The following UHRF2 variants were observed in gnomAD, a reference collection of about 807,000 sequenced individuals.
The protein encoded by UHRF2 is E3 ubiquitin-protein ligase UHRF2.
Under a neutral mutation model 96.8 loss-of-function variants are expected in UHRF2, and 23 were observed. That is an observed-to-expected ratio of 0.24 (90% confidence interval 0.17 to 0.34). The LOEUF is 0.34. Among genes scored for constraint, UHRF2 ranks in the 10% least tolerant of loss-of-function variants. UHRF2 has a pLI of 1.00. For missense variants in UHRF2, 685 were observed against 981.5 expected, an observed-to-expected ratio of 0.70 and a Z score of 4.04; for synonymous variants, 385 against 332.6, an observed-to-expected ratio of 1.16 and a Z score of -1.72.
intron 3 of UHRF2, among the ~76,000 whole-genome samples, chr9:6,459,129 A>G (rs1822364804): frequency 6.6e-6 from 1 of 152,156 alleles, no homozygotes; most frequent in African/African-American, 2.4e-5. Flanking sequence ...TGACAGGTTG[A>G]TGGGTGCAGC....
At chr9:6,448,484 GT>G (rs1379001691) in intron 3 of UHRF2, among the ~76,000 whole-genome samples, 2 of 152,192 alleles carry the variant, frequency 1.3e-5, no homozygotes, top group Non-Finnish European at 2.9e-5. Flanking sequence ...AAACGTCTCT[GT>G]TTTTATTACC....
chr9:6,475,628 A>G (rs1256830263), intron 5 of UHRF2, 128 bp downstream of exon 5: 4 of 415,582 alleles, frequency 9.6e-6, no homozygotes, highest in Non-Finnish European at 1.7e-5. Flanking sequence ...TTTCAAGACA[A>G]CAGTTTTGAT....
At chr9:6,466,665 T>C (rs1822880310) in intron 4 of UHRF2, among the ~76,000 whole-genome samples, 1 of 152,184 alleles carries the variant, frequency 6.6e-6, no homozygotes, top group African/African-American at 2.4e-5. Flanking sequence ...TATAGTGATA[T>C]ACTTCTTATT....
intron 9 of UHRF2, among the ~76,000 whole-genome samples, chr9:6,489,233 G>GT (rs1252998440): frequency 6.6e-6 from 1 of 152,162 alleles, no homozygotes; most frequent in Non-Finnish European, 1.5e-5. Flanking sequence ...ATTGTGGCAT[G>GT]TATCAATAGT....
At chr9:6,501,820 C>T (rs1167509850) in intron 14 of UHRF2, among the ~76,000 whole-genome samples, 2 of 152,138 alleles carry the variant, frequency 1.3e-5, no homozygotes, top group East Asian at 3.8e-4. Flanking sequence ...TGTTAATCAG[C>T]CTAATTATTC....
At chr9:6,419,175 A>G (rs1308914510) in intron 1 of UHRF2, among the ~76,000 whole-genome samples, 1 of 152,234 alleles carries the variant, frequency 6.6e-6, no homozygotes, top group Non-Finnish European at 1.5e-5. Context: ...AAATTTTGGC[A>G]GGGACGCAAC....
intron 4 of UHRF2, among the ~76,000 whole-genome samples, chr9:6,466,786 T>C (rs1301270033): frequency 1.3e-5 from 2 of 152,226 alleles, no homozygotes; most frequent in Non-Finnish European, 1.5e-5. Flanking sequence ...CACGCAAACA[T>C]GCTCCTGCCT....
intron 14 of UHRF2, among the ~76,000 whole-genome samples, chr9:6,504,111 C>A (rs368371955): frequency 1.3e-5 from 2 of 149,644 alleles, no homozygotes; most frequent in Non-Finnish European, 3.0e-5. Flanking sequence ...CTGCAAGCTC[C>A]GCCTTCTTGG....
chr9:6,428,591 C>T (rs1820395277), intron 2 of UHRF2, among the ~76,000 whole-genome samples: 1 of 104,326 alleles, frequency 9.6e-6, no homozygotes, highest in East Asian at 3.3e-4. Flanking sequence ...CATTCTGTCA[C>T]TTGGCTGGAG....
At chr9:6,488,583 T>C (rs1387056560) in intron 9 of UHRF2, among the ~76,000 whole-genome samples, 1 of 143,210 alleles carries the variant, frequency 7.0e-6, no homozygotes, top group Non-Finnish European at 1.5e-5. Context: ...ATCTTGCCCT[T>C]GTCGCCCAGC....
At chr9:6,469,414 A>C (rs1236058434) in intron 4 of UHRF2, among the ~76,000 whole-genome samples, 1 of 152,026 alleles carries the variant, frequency 6.6e-6, no homozygotes, top group Non-Finnish European at 1.5e-5. Flanking sequence ...GCTACTCGGG[A>C]GGCTGAGGCA....
chr9:6,490,089 A>C (rs1047076822), intron 9 of UHRF2, among the ~76,000 whole-genome samples: 2 of 152,256 alleles, frequency 1.3e-5, no homozygotes, highest in African/African-American at 4.8e-5. Context: ...AAATAAACCA[A>C]CTAGAAATGT....
chr9:6,457,102 A>G (rs2777945), intron 3 of UHRF2, among the ~76,000 whole-genome samples: 75,815 of 152,006 alleles, frequency 0.5, 19,487 homozygotes, highest in East Asian at 0.57. Flanking sequence ...TTTGGGCAGT[A>G]TGGGCATTTT....
At chr9:6,423,471 C>G (rs571336419) in intron 2 of UHRF2, among the ~76,000 whole-genome samples, 1 of 151,996 alleles carries the variant, frequency 6.6e-6, no homozygotes, top group Non-Finnish European at 1.5e-5. Context: ...ATTATGGCTG[C>G]TTATTAAAAA....
rs556542971 is a variant in UHRF2, at chr9:6,483,359, A to G, written c.1392+1260A>G. ...AAAAAAAAAAAAAATCCTTTATACA[A>G]TGGTGCAGTATTTTCATATAACCTA... On this transcript the variant is annotated intron_variant, in intron 8 of 15. Transcript: ENST00000276893. Among the ~76,000 whole-genome samples, 6 of 151,918 alleles carry G rather than the reference A, an allele frequency of 3.9e-5. No individual in the cohort carries two copies. The East Asian group carries it at 5.8e-4, about 15-fold the overall frequency.
chr9:6,489,172 A>G (rs1339365855), intron 9 of UHRF2, among the ~76,000 whole-genome samples: 1 of 152,178 alleles, frequency 6.6e-6, no homozygotes, highest in Non-Finnish European at 1.5e-5. Context: ...GTAGCATATT[A>G]TATATTAACC....
intron 3 of UHRF2, among the ~76,000 whole-genome samples, chr9:6,443,175 G>T (rs531279979): frequency 4.5e-4 from 68 of 152,334 alleles, no homozygotes; most frequent in African/African-American, 1.5e-3. Flanking sequence ...TAGGCAAGTT[G>T]CAGTCTTTAA....
chr9:6,413,821 A>G (rs538162243), intron 1 of UHRF2, 178 bp downstream of exon 1: 526 of 743,144 alleles, frequency 7.1e-4, no homozygotes, highest in Non-Finnish European at 8.8e-4. Context: ...AATGGTGGGG[A>G]GTGGGTCCCT....
At chr9:6,491,561 G>C (rs1824661934) in intron 9 of UHRF2, among the ~76,000 whole-genome samples, 1 of 152,180 alleles carries the variant, frequency 6.6e-6, no homozygotes, top group South Asian at 2.1e-4. Context: ...TTGTGCTTTG[G>C]AATTATTTAT....
Sources: allele counts gnomAD v4.1 joint callset (sites outside exome capture counted in the v4.1 genomes callset), GRCh38; gene constraint gnomAD v4.1.1; transcripts MANE v1.5; gene names NCBI Gene and HGNC (gene_info 2026-07-23, HGNC 2026-07-21).